Variants in LRCOL1 observed in about 807,000 individuals in gnomAD.
LRCOL1 encodes the protein leucine-rich colipase-like protein 1.
In LRCOL1, 21 loss-of-function variants were observed where a neutral mutation model predicts 21.6. That is an observed-to-expected ratio of 0.97 (90% confidence interval 0.69 to 1.40). LRCOL1 has a LOEUF of 1.40. Ranked by LOEUF, LRCOL1 falls within the 40% of genes most tolerant of loss-of-function variation. The pLI is 0.00. For missense variants in LRCOL1, 198 were observed against 202.3 expected (o/e 0.98, Z 0.13); for synonymous variants, 98 against 90.1 (o/e 1.09, Z -0.49).
intron 1 of LRCOL1, among the ~76,000 whole-genome samples, chr12:132,607,090 G>A (rs181796591): frequency 2.0e-5 from 3 of 152,316 alleles, no homozygotes; most frequent in South Asian, 2.1e-4. Flanking sequence ...ATGAAGCAGC[G>A]GCATTGCCCT....
At position 132,603,393 on chromosome 12, in the gene LRCOL1, G is replaced by A. The variant is rs545094632; in HGVS notation, c.*9C>T. 29 of 1,536,198 alleles carry A rather than the reference G, an allele frequency of 1.9e-5. No homozygotes were observed. Among genetic ancestry groups the A allele is most frequent in the Admixed American group, 9.8e-5 (5 of 51,006 alleles). On this transcript the variant is annotated 3_prime_UTR_variant, in exon 6 of 6. Coordinates refer to ENST00000376608, the MANE Select transcript of LRCOL1 (RefSeq NM_001195520.2). ...AGGCCGGTCCCTCGCGCCCAGGTTC[G>A]AGCTCACATCACTGAAGGAGAAGCC...
chr12:132,605,838 C>T, intron 2 of LRCOL1: 1 of 403,296 alleles, frequency 2.5e-6, no homozygotes, highest in Non-Finnish European at 4.4e-6. Context: ...GTGCAGCTCC[C>T]ATGTGGCCCC....
chr12:132,604,926 T>C, intron 2 of LRCOL1, 95 bp from the exon 3 acceptor site: 1 of 1,474,146 alleles, frequency 6.8e-7, no homozygotes, highest in Non-Finnish European at 9.0e-7. Context: ...GGCTCCCCTG[T>C]GTCACCATCC....
intron 1 of LRCOL1, among the ~76,000 whole-genome samples, 180 bp downstream of exon 1, chr12:132,610,143 A>G (rs1243924326): frequency 6.6e-6 from 1 of 152,166 alleles, no homozygotes; most frequent in African/African-American, 2.4e-5. Flanking sequence ...TCATCCCCAC[A>G]GGGCACCCCG....
chr12:132,603,800 G>A (rs998709929), intron 5 of LRCOL1: 7 of 985,318 alleles, frequency 7.1e-6, no homozygotes, highest in Non-Finnish European at 2.4e-6. Context: ...GGGCTCAGCA[G>A]AGCGGGAGCC....
Position 132,608,551 on chromosome 12 carries a change from A to G in LRCOL1, c.-14+1772T>C, listed in dbSNP as rs367648803. 1.2e-4 allele frequency among the ~76,000 whole-genome samples: 19 copies of G among 152,316 alleles called. No homozygotes were observed. In the East Asian group the frequency reaches 2.3e-3, roughly 19 times the overall value. Reference sequence around the variant, plus strand: ...GCAAACTTAGTAAGCCCTGTTTCCAATCATATCAAGCCTGTTCAATATAAC... The same window carrying G: ...GCAAACTTAGTAAGCCCTGTTTCCAGTCATATCAAGCCTGTTCAATATAAC... On this transcript the variant is annotated intron_variant, in intron 1 of 5. Transcript: ENST00000376608.
chr12:132,605,140 CAGG>C (rs1000252968), intron 2 of LRCOL1: 4 of 1,167,640 alleles, frequency 3.4e-6, no homozygotes, highest in Admixed American at 3.8e-5. Context: ...TGGCATTTTA[CAGG>C]AGAAGAAACA....
chr12:132,603,977 G>A, intron 5 of LRCOL1: 1 of 1,314,868 alleles, frequency 7.6e-7, no homozygotes, highest in Non-Finnish European at 9.7e-7. Context: ...ATGGTCCTGG[G>A]TCCCCCTCCC....
At chr12:132,609,393 G>A (rs753326304) in intron 1 of LRCOL1, among the ~76,000 whole-genome samples, 2 of 152,200 alleles carry the variant, frequency 1.3e-5, no homozygotes, top group Non-Finnish European at 2.9e-5. Flanking sequence ...ACTGACCTGT[G>A]CACTTAAAAA....
chr12:132,605,970 C>T (rs1394086032), intron 2 of LRCOL1, 177 bp downstream of exon 2: 8 of 621,536 alleles, frequency 1.3e-5, no homozygotes, highest in East Asian at 8.4e-5. Context: ...GCCAGGAGAG[C>T]GAGTGCAGCC....
intron 1 of LRCOL1, among the ~76,000 whole-genome samples, chr12:132,608,023 C>A (rs2041335211): frequency 6.6e-6 from 1 of 152,084 alleles, no homozygotes; most frequent in East Asian, 1.9e-4. Context: ...CTGTCTCTGT[C>A]TCTCTCTGTC....
chr12:132,603,450 C>A, intron 5 of LRCOL1, 46 bp from the exon 6 acceptor site: 2 of 1,536,034 alleles, frequency 1.3e-6, no homozygotes, highest in Non-Finnish European at 1.7e-6. Flanking sequence ...GGACGGGCCT[C>A]GAAGCGGCCG....
At position 132,603,413 on chromosome 12, in the gene LRCOL1, G is replaced by A; in HGVS notation, c.478-9C>T. The stretch of plus-strand genomic sequence containing the variant: ...GGTTCGAGCTCACATCACTGAAGGA[G>A]AAGCCAAAGCTGAGGAAACGTGCAG... On this transcript the variant is annotated splice_polypyrimidine_tract_variant and intron_variant, in intron 5 of 5. Transcript: ENST00000376608. 1 of 1,536,228 alleles carries A rather than the reference G, an allele frequency of 6.5e-7. No individual in the cohort carries two copies. Among genetic ancestry groups the A allele is most frequent in the South Asian group, 1.2e-5 (1 of 84,070 alleles).
At chr12:132,604,645 C>T in intron 3 of LRCOL1, 61 bp from the exon 4 acceptor site, 1 of 1,526,148 alleles carries the variant, frequency 6.6e-7, no homozygotes, top group Admixed American at 2.0e-5. Context: ...TCTTCAGGGG[C>T]AGGTAGGAGG....
At chr12:132,609,303 G>A (rs767107607) in intron 1 of LRCOL1, among the ~76,000 whole-genome samples, 5 of 152,208 alleles carry the variant, frequency 3.3e-5, no homozygotes, top group Non-Finnish European at 5.9e-5. Flanking sequence ...TGATGGGGCC[G>A]GTTGACATTT....
In LRCOL1 at chr12:132,605,462, C is replaced by T. The variant is rs2041294910; in HGVS notation, c.106-631G>A. 2.0e-5 allele frequency among the ~76,000 whole-genome samples: 3 copies of T among 152,348 alleles called. No individual in the cohort carries two copies. In the South Asian group the frequency reaches 6.2e-4, roughly 32 times the overall value. On this transcript the variant is annotated intron_variant, in intron 2 of 5. Coordinates refer to ENST00000376608, the MANE Select transcript of LRCOL1 (RefSeq NM_001195520.2). ...TATATTTTCTGGCCAGGCGCAGTGG[C>T]TCATGCCTGTAATCCCAGCACTTTG...
At position 132,603,274 on chromosome 12, in the gene LRCOL1, CA is replaced by C; in HGVS notation, c.*127del. The C allele has an allele frequency of 7.2e-7, 1 of 1,397,326 alleles. No individual in the cohort carries two copies. The highest frequency in any genetic ancestry group is 9.7e-7 in the Non-Finnish European group (1 of 1,032,280). 86.6% of individuals were successfully genotyped at this position (1,397,326 alleles called of 1,614,324 possible). Reference sequence around the variant, plus strand: ...CAGCCTTTCAGTTCCCACAGATTTTCAGAGCCCCAGAAACAGCAGCACAAAC... The same window carrying C: ...CAGCCTTTCAGTTCCCACAGATTTTCGAGCCCCAGAAACAGCAGCACAAAC... On this transcript the variant is annotated 3_prime_UTR_variant, in exon 6 of 6. Coordinates refer to ENST00000376608, the MANE Select transcript of LRCOL1 (RefSeq NM_001195520.2).
At chr12:132,605,960 G>A in intron 2 of LRCOL1, 187 bp downstream of exon 2, 2 of 612,026 alleles carry the variant, frequency 3.3e-6, no homozygotes, top group South Asian at 2.0e-5. Flanking sequence ...CGGGCGTGTG[G>A]CCAGGAGAGC....
At chr12:132,608,294 C>T (rs1372636388) in intron 1 of LRCOL1, among the ~76,000 whole-genome samples, 4 of 152,208 alleles carry the variant, frequency 2.6e-5, no homozygotes, top group African/African-American at 7.2e-5. Flanking sequence ...TCAGTCCCCG[C>T]ACCCACACCT....
Sources: gnomAD v4.1 joint callset for allele counts (sites outside exome capture counted in the v4.1 genomes callset) on GRCh38, gnomAD v4.1.1 for gene constraint, MANE v1.5 for transcripts, NCBI Gene and HGNC (gene_info 2026-07-23, HGNC 2026-07-21) for gene names.